Variants in SNX3 observed in about 807,000 individuals in gnomAD.
SNX3 encodes sorting nexin-3.
A neutral mutation model predicts 17.7 loss-of-function variants in SNX3; 5 were observed. That is an observed-to-expected ratio of 0.28 (90% CI 0.15 to 0.59). The LOEUF (loss-of-function observed/expected upper bound fraction) is 0.59. Among genes scored for constraint, SNX3 ranks in the 20% least tolerant of loss-of-function variants. The probability of loss-of-function intolerance (pLI) is 0.88; values close to 1 mark genes in which losing one functional copy is unlikely to be tolerated. For missense variants in SNX3, 132 were observed against 206.8 expected, an observed-to-expected ratio of 0.64 and a Z score of 2.22; for synonymous variants, 91 against 76.5, an observed-to-expected ratio of 1.19 and a Z score of -0.99.
intron 1 of SNX3, among the ~76,000 whole-genome samples, chr6:108,235,571 T>C (rs144783385): frequency 9.8e-4 from 149 of 152,272 alleles, no homozygotes; most frequent in Non-Finnish European, 1.8e-3. Flanking sequence ...GAAGACAGTA[T>C]TTCATCTCTA....
intron 1 of SNX3, among the ~76,000 whole-genome samples, chr6:108,223,320 T>C (rs1774864951): frequency 6.6e-6 from 1 of 151,380 alleles, no homozygotes; most frequent in Non-Finnish European, 1.5e-5. Context: ...TGTATTTTTG[T>C]AGAGATGGGG....
chr6:108,222,109 C>T, intron 2 of SNX3: 1 of 869,842 alleles, frequency 1.1e-6, no homozygotes, highest in Non-Finnish European at 1.5e-6. Context: ...TGCTCATATG[C>T]AGCCACTTTT....
At chr6:108,243,772 C>A (rs974004169) in intron 1 of SNX3, among the ~76,000 whole-genome samples, 2 of 151,852 alleles carry the variant, frequency 1.3e-5, no homozygotes, top group African/African-American at 4.8e-5. Flanking sequence ...GTCTCTACTG[C>A]AAATACAAAA....
At chr6:108,258,651 AG>A (rs1360245146) in intron 1 of SNX3, among the ~76,000 whole-genome samples, 1 of 151,776 alleles carries the variant, frequency 6.6e-6, no homozygotes, top group Non-Finnish European at 1.5e-5. Flanking sequence ...CTGGGACCTC[AG>A]GGATGCGCGC....
At chr6:108,231,416 A>G (rs1376446525) in intron 1 of SNX3, among the ~76,000 whole-genome samples, 13 of 152,114 alleles carry the variant, frequency 8.5e-5, no homozygotes, top group Admixed American at 7.9e-4. Flanking sequence ...CCTTTAATCT[A>G]GAAGAGTCGC....
At chr6:108,250,965 T>G (rs1324619102) in intron 1 of SNX3, among the ~76,000 whole-genome samples, 3 of 152,216 alleles carry the variant, frequency 2.0e-5, no homozygotes, top group South Asian at 2.1e-4. Context: ...CAAGAGACAC[T>G]GGCTTCATTT....
chr6:108,236,285 A>G (rs1013928516), intron 1 of SNX3, among the ~76,000 whole-genome samples: 1 of 151,364 alleles, frequency 6.6e-6, no homozygotes, highest in Non-Finnish European at 1.5e-5. Context: ...GGAGTTCAAT[A>G]CCAACCTGGC....
chr6:108,223,622 C>T (rs1774884466), intron 1 of SNX3, among the ~76,000 whole-genome samples: 1 of 151,192 alleles, frequency 6.6e-6, no homozygotes, highest in African/African-American at 2.4e-5. Flanking sequence ...CTCAGCCTCC[C>T]AAGTAGCTGG....
At chr6:108,228,034 A>G (rs1295548720) in intron 1 of SNX3, among the ~76,000 whole-genome samples, 1 of 152,216 alleles carries the variant, frequency 6.6e-6, no homozygotes, top group Non-Finnish European at 1.5e-5. Flanking sequence ...AATGATGAAT[A>G]AGATGCAGAC....
chr6:108,245,312 A>G (rs927105593), intron 1 of SNX3, among the ~76,000 whole-genome samples: 3 of 152,196 alleles, frequency 2.0e-5, no homozygotes, highest in African/African-American at 7.2e-5. Flanking sequence ...ATGGCTGCAT[A>G]GTATTCCACG....
chr6:108,242,975 T>C (rs942740934), intron 1 of SNX3, among the ~76,000 whole-genome samples: 3 of 152,194 alleles, frequency 2.0e-5, no homozygotes, highest in Non-Finnish European at 4.4e-5. Flanking sequence ...TTGTAGGCAA[T>C]TGTGAGACCC....
At chr6:108,260,033 TTTTA>T (rs1776142364) in intron 1 of SNX3, among the ~76,000 whole-genome samples, 2 of 152,364 alleles carry the variant, frequency 1.3e-5, no homozygotes, top group African/African-American at 4.8e-5. Flanking sequence ...ATTAGGTATA[TTTTA>T]TTTCTGTTGA....
intron 1 of SNX3, among the ~76,000 whole-genome samples, chr6:108,245,494 T>G (rs980417524): frequency 6.6e-6 from 1 of 152,212 alleles, no homozygotes; most frequent in Non-Finnish European, 1.5e-5. Context: ...CTGGGTCAAA[T>G]GGTATTTCTG....
At chr6:108,259,149 A>G (rs1025876315) in intron 1 of SNX3, among the ~76,000 whole-genome samples, 7 of 152,216 alleles carry the variant, frequency 4.6e-5, no homozygotes, top group Admixed American at 4.6e-4. Flanking sequence ...CTTTTCCACT[A>G]GGTTTATGTA....
At chr6:108,248,050 C>T (rs180945630) in intron 1 of SNX3, among the ~76,000 whole-genome samples, 3 of 152,164 alleles carry the variant, frequency 2.0e-5, no homozygotes, top group Admixed American at 2.0e-4. Flanking sequence ...AGGAATCACT[C>T]CAGTATTATT....
chr6:108,212,306 G>C, intron 3 of SNX3, 52 bp from the exon 4 acceptor site: 1 of 1,195,212 alleles, frequency 8.4e-7, no homozygotes, highest in Non-Finnish European at 1.2e-6. Context: ...AGGTGGGGGA[G>C]TTCAAAACAC....
At chr6:108,240,147 A>C (rs1440809346) in intron 1 of SNX3, among the ~76,000 whole-genome samples, 1 of 152,204 alleles carries the variant, frequency 6.6e-6, no homozygotes, top group Non-Finnish European at 1.5e-5. Flanking sequence ...GTGTATAACA[A>C]ATTGAAAAGT....
rs1355279002 is a variant in SNX3, at chr6:108,212,250, C to T, written c.388G>A (p.Ala130Thr). 1 of 1,598,472 alleles carries T rather than the reference C, an allele frequency of 6.3e-7. No homozygotes were observed. Among genetic ancestry groups the T allele is most frequent in the South Asian group, 1.1e-5 (1 of 89,452 alleles). ...TCGTTCTGTGCCAGAGGATGACCAG[C>T]GACCCTGAGAATAAAAAATATAAAT... ...QGLEQFINKV[A>T]GHPLAQNERC... The change falls in exon 4 of 4, where the codon GCT becomes ACT. Residue 130 changes from alanine (A) to threonine (T), a missense_variant. Ala to Thr is a moderately conservative substitution (Grantham distance 58, BLOSUM62 0). This residue lies in a region of SNX3 where 54 missense variants were observed against 118.0 expected (regional missense o/e 0.46). Coordinates refer to ENST00000230085, the MANE Select transcript of SNX3 (RefSeq NM_003795.6).
At chr6:108,218,006 C>T (rs760679762) in intron 2 of SNX3, among the ~76,000 whole-genome samples, 29 of 152,062 alleles carry the variant, frequency 1.9e-4, no homozygotes, top group Non-Finnish European at 3.4e-4. Context: ...TACTGTAATA[C>T]GAGTAAAACT....
Sources: gnomAD v4.1 joint callset for allele counts (sites outside exome capture counted in the v4.1 genomes callset) on GRCh38, gnomAD v4.1.1 for gene constraint, gnomAD v4.1.1 regional missense constraint, MANE v1.5 for transcripts, NCBI Gene and HGNC (gene_info 2026-07-23, HGNC 2026-07-21) for gene names.